The following SHANK2 variants were observed in gnomAD, a reference collection of about 807,000 sequenced individuals.
The protein encoded by SHANK2 is SH3 and multiple ankyrin repeat domains protein 2.
In SHANK2, 43 loss-of-function variants were observed where a neutral mutation model predicts 133.7. The observed-to-expected ratio is 0.32, with a 90% CI of 0.25 to 0.41. SHANK2 has a LOEUF of 0.41. SHANK2 is among the 10% of genes least tolerant of loss of function. The pLI is 1.00. For synonymous variants in SHANK2, 1,017 were observed against 952.8 expected, an observed-to-expected ratio of 1.07 and a Z score of -1.24; for missense variants, 1,994 against 2,235.8, an observed-to-expected ratio of 0.89 and a Z score of 2.18.
At chr11:70,824,852 CCA>C (rs1285198450) in intron 11 of SHANK2, among the ~76,000 whole-genome samples, 1 of 152,168 alleles carries the variant, frequency 6.6e-6, no homozygotes, top group Non-Finnish European at 1.5e-5. Flanking sequence ...GCTGATGAGC[CCA>C]CAGTCTCAGA....
chr11:70,800,808 G>T (rs1272990387), intron 13 of SHANK2, among the ~76,000 whole-genome samples: 2 of 152,170 alleles, frequency 1.3e-5, no homozygotes, highest in Non-Finnish European at 2.9e-5. Flanking sequence ...CAGTAACCCC[G>T]GGCTGCAAAG....
intron 1 of SHANK2, among the ~76,000 whole-genome samples, chr11:71,231,598 T>G (rs1235401007): frequency 6.6e-6 from 1 of 152,208 alleles, no homozygotes; most frequent in Non-Finnish European, 1.5e-5. Context: ...TTCAGACTTA[T>G]GTTTACGGGC....
At chr11:70,571,692 C>T (rs922206520) in intron 17 of SHANK2, among the ~76,000 whole-genome samples, 1 of 152,084 alleles carries the variant, frequency 6.6e-6, no homozygotes, top group African/African-American at 2.4e-5. Flanking sequence ...CAGTTGGAGG[C>T]CCCTACAGGC....
chr11:70,522,270 G>A (rs1003515856), intron 17 of SHANK2, among the ~76,000 whole-genome samples: 6 of 152,230 alleles, frequency 3.9e-5, no homozygotes, highest in African/African-American at 1.4e-4. Flanking sequence ...CCTGCTGCGT[G>A]CATGGCTGAA....
intron 14 of SHANK2, among the ~76,000 whole-genome samples, chr11:70,748,698 C>A (rs1322102153): frequency 6.6e-6 from 1 of 152,186 alleles, no homozygotes; most frequent in Admixed American, 6.5e-5. Flanking sequence ...TGTTAAGGTG[C>A]AGACAAACTA....
chr11:71,099,919 T>A (rs1951690169), intron 6 of SHANK2, among the ~76,000 whole-genome samples: 1 of 151,922 alleles, frequency 6.6e-6, no homozygotes, highest in Non-Finnish European at 1.5e-5. Flanking sequence ...CATAGTGGCA[T>A]ACGCCTGTAG....
intron 17 of SHANK2, among the ~76,000 whole-genome samples, chr11:70,585,403 G>A (rs960145165): frequency 2.6e-5 from 4 of 152,142 alleles, no homozygotes; most frequent in South Asian, 2.1e-4. Flanking sequence ...GCAGCCAGTC[G>A]GTAAAGCTGC....
intron 11 of SHANK2, among the ~76,000 whole-genome samples, chr11:70,844,022 T>C (rs1283140374): frequency 1.3e-5 from 2 of 152,122 alleles, no homozygotes; most frequent in Non-Finnish European, 2.9e-5. Context: ...AGGACCACAC[T>C]GTGCTGCGTG....
chr11:70,856,501 GTGGATGGA>G (rs777161766), intron 11 of SHANK2, among the ~76,000 whole-genome samples: 4 of 149,654 alleles, frequency 2.7e-5, no homozygotes, highest in East Asian at 2.0e-4. Context: ...TGGATAATGA[GTGGATGGA>G]TGGATGGATG....
In SHANK2 at chr11:70,472,739, T is replaced by C. The variant is rs528735952; in HGVS notation, c.*130A>G. On this transcript the variant is annotated 3_prime_UTR_variant, in exon 26 of 26. Coordinates refer to ENST00000601538, the MANE Select transcript of SHANK2 (RefSeq NM_012309.5). The surrounding 1 kb of genome is among the most constrained non-coding windows in gnomAD (Gnocchi z 4.4). ...GTTGTGGACACAACTCAGTATTTCT[T>C]TGGGTACCAGGAGACAAACCCATGG... is the stretch of plus-strand genomic sequence containing the variant. The C allele has an allele frequency of 5.4e-6, 5 of 919,272 alleles. No homozygotes were observed. The South Asian group carries it at 6.8e-5, about 13-fold the overall frequency. The allele number at this position is 919,272 out of a possible 1,614,324, so 56.9% of individuals were successfully genotyped here. A position where few individuals can be genotyped will look rare whatever the true frequency, so the allele number is the denominator to read the frequency against.
chr11:70,650,791 T>C (rs1398379636), intron 17 of SHANK2, among the ~76,000 whole-genome samples: 12 of 152,192 alleles, frequency 7.9e-5, no homozygotes, highest in East Asian at 3.9e-4. Context: ...CTGATTTACT[T>C]TGGGGCCTTC....
At chr11:70,870,099 A>T (rs1197682916) in intron 11 of SHANK2, among the ~76,000 whole-genome samples, 2 of 152,160 alleles carry the variant, frequency 1.3e-5, no homozygotes, top group Admixed American at 6.5e-5. Context: ...TAAATCCAAT[A>T]ATTAGTGTCC....
chr11:71,147,002 C>T (rs1270547621), intron 3 of SHANK2, 118 bp downstream of exon 3: 13 of 816,980 alleles, frequency 1.6e-5, no homozygotes, highest in South Asian at 4.2e-5. Flanking sequence ...GGAAGGAGCA[C>T]GGTGTGCCCA....
chr11:70,911,733 T>C (rs1243066071), intron 10 of SHANK2, among the ~76,000 whole-genome samples: 1 of 152,094 alleles, frequency 6.6e-6, no homozygotes, highest in African/African-American at 2.4e-5. Flanking sequence ...GCTATTGTTG[T>C]TTGCTCAGGA....
At chr11:70,769,383 T>G (rs1171885752) in intron 14 of SHANK2, among the ~76,000 whole-genome samples, 1 of 152,144 alleles carries the variant, frequency 6.6e-6, no homozygotes, top group Admixed American at 6.5e-5. Context: ...TCTAGGAGGA[T>G]CCAGGAGAAA....
chr11:70,618,553 T>C (rs1565184534), intron 17 of SHANK2, among the ~76,000 whole-genome samples: 1 of 152,160 alleles, frequency 6.6e-6, no homozygotes, highest in Non-Finnish European at 1.5e-5. Flanking sequence ...CTGCAGGTGA[T>C]GTGCATGGCT....
intron 10 of SHANK2, among the ~76,000 whole-genome samples, chr11:70,906,538 G>A (rs568521276): frequency 1.3e-5 from 2 of 152,272 alleles, no homozygotes; most frequent in East Asian, 1.9e-4. Flanking sequence ...TGTGCCTCCC[G>A]ACACAGAGAG....
At chr11:70,852,111 G>A (rs1201112880) in intron 11 of SHANK2, among the ~76,000 whole-genome samples, 1 of 152,216 alleles carries the variant, frequency 6.6e-6, no homozygotes, top group Non-Finnish European at 1.5e-5. Flanking sequence ...CCGCCGGGGA[G>A]GAGCGTGGGC....
At chr11:70,730,203 A>G (rs940695050) in intron 14 of SHANK2, among the ~76,000 whole-genome samples, 6 of 151,596 alleles carry the variant, frequency 4.0e-5, no homozygotes, top group Non-Finnish European at 7.4e-5. Flanking sequence ...GGCACAGGTG[A>G]ATCTCCTTCT....
Sources: allele counts gnomAD v4.1 joint callset (sites outside exome capture counted in the v4.1 genomes callset), GRCh38; gene constraint gnomAD v4.1.1; non-coding constraint Gnocchi (gnomAD v3.1); transcripts MANE v1.5; gene names NCBI Gene and HGNC (gene_info 2026-07-23, HGNC 2026-07-21).